Variants in NRAS observed in about 807,000 individuals in gnomAD.
NRAS encodes the protein NRAS proto-oncogene, GTPase, also known as GTPase NRas.
Under a neutral mutation model 21.3 loss-of-function variants are expected in NRAS, and 6 were observed. The observed-to-expected ratio is 0.28, with a 90% CI of 0.15 to 0.56. The LOEUF (loss-of-function observed/expected upper bound fraction) is 0.56. Ranked by LOEUF, NRAS falls within the 20% of genes least tolerant of loss-of-function variation. The pLI is 0.93. For missense variants in NRAS, 143 were observed against 231.3 expected, an observed-to-expected ratio of 0.62 and a Z score of 2.48; for synonymous variants, 84 against 82.0, an observed-to-expected ratio of 1.02 and a Z score of -0.13.
At position 114,713,904 on chromosome 1, in the gene NRAS, T is replaced by C. The variant is rs1659097990; in HGVS notation, c.186A>G (p.Glu62=). ...ATTGGTCTCTCATGGCACTGTACTC[T>C]TCTTGTCCAGCTGTATCCAGTATGT... The part of the protein sequence containing the change: ...LLDILDTAGQ[E]EYSAMRDQYM... The change falls in exon 3 of 7, where the codon GAA becomes GAG. Residue 62 remains glutamate (E), a synonymous_variant. Coordinates refer to ENST00000369535, the MANE Select transcript of NRAS (RefSeq NM_002524.5). 1 of 1,612,958 alleles carries C rather than the reference T, an allele frequency of 6.2e-7. No individual in the cohort carries two copies.
At chr1:114,708,414 G>A in intron 5 of NRAS, 117 bp downstream of exon 5, 1 of 920,610 alleles carries the variant, frequency 1.1e-6, no homozygotes, top group Non-Finnish European at 1.8e-6. Context: ...TGGAAAATGT[G>A]CAGAAGAGGA....
Position 114,706,109 on chromosome 1 carries a change from A to G in NRAS, c.*1985T>C, listed in dbSNP as rs1438982817. 2.0e-5 allele frequency: 3 copies of G among 152,254 alleles called. No individual in the cohort carries two copies. The highest frequency in any genetic ancestry group is 4.4e-5 in the Non-Finnish European group (3 of 68,036). 9.4% of individuals were successfully genotyped at this position (152,254 alleles called of 1,614,324 possible). A position where few individuals can be genotyped will look rare whatever the true frequency, so the allele number is the denominator to read the frequency against. On this transcript the variant is annotated 3_prime_UTR_variant, in exon 7 of 7. Transcript: ENST00000369535. The stretch of plus-strand genomic sequence containing the variant: ...AGAATTTCCATTTACAAATGATGAC[A>G]GTACTGTGAAAGCTCCCAGAATTAG...
At chr1:114,710,139 C>G (rs954547465) in intron 3 of NRAS, among the ~76,000 whole-genome samples, 1 of 150,372 alleles carries the variant, frequency 6.7e-6, no homozygotes, top group African/African-American at 2.5e-5. Context: ...TGCAGTGAGC[C>G]AAGATCACGC....
At chr1:114,710,123 G>C (rs905839353) in intron 3 of NRAS, among the ~76,000 whole-genome samples, 32 of 150,778 alleles carry the variant, frequency 2.1e-4, no homozygotes, top group African/African-American at 7.8e-4. Context: ...CCTGGGAGGC[G>C]AAGATTGCAG....
chr1:114,713,716 C>T, intron 3 of NRAS, 84 bp downstream of exon 3: 1 of 1,169,204 alleles, frequency 8.6e-7, no homozygotes, highest in Non-Finnish European at 1.3e-6. Context: ...AAAGCTCTAT[C>T]TTCCCTAGTG....
Position 114,705,369 on chromosome 1 carries a change from G to A in NRAS, c.*2725C>T, listed in dbSNP as rs571738140. 3.3e-5 allele frequency: 5 copies of A among 152,230 alleles called. No individual in the cohort carries two copies. Among genetic ancestry groups the A allele is most frequent in the African/African-American group, 9.6e-5 (4 of 41,530 alleles). 9.4% of individuals were successfully genotyped at this position (152,230 alleles called of 1,614,324 possible). ...ATTTAACAGGTTCATTTACAGATCC[G>A]GCATGGTAGCCTTCAGACAGAACAT... On this transcript the variant is annotated 3_prime_UTR_variant, in exon 7 of 7. Transcript: ENST00000369535.
intron 3 of NRAS, among the ~76,000 whole-genome samples, chr1:114,710,690 AC>A (rs1659027588): frequency 6.6e-6 from 1 of 152,144 alleles, no homozygotes; most frequent in African/African-American, 2.4e-5. Flanking sequence ...GCTTTTTTCT[AC>A]CACTTAGAGA....
intron 3 of NRAS, among the ~76,000 whole-genome samples, chr1:114,713,075 C>G (rs906803393): frequency 1.3e-5 from 2 of 152,198 alleles, no homozygotes; most frequent in Non-Finnish European, 2.9e-5. Flanking sequence ...ATGGTCCAAT[C>G]TAGCTTTGAA....
At position 114,716,177 on chromosome 1, in the gene NRAS, C is replaced by T. The variant is rs767267889; in HGVS notation, c.-17G>A. On this transcript the variant is annotated splice_region_variant and 5_prime_UTR_variant, in exon 2 of 7. Transcript: ENST00000369535. ...CTCAGTCATTTCACACCAGCAAGAACCTGTTGGAAACCAGTAATCAGGGTT... is the reference window on the plus strand; with the variant it reads ...CTCAGTCATTTCACACCAGCAAGAATCTGTTGGAAACCAGTAATCAGGGTT... 4 of 1,557,338 alleles carry T rather than the reference C, an allele frequency of 2.6e-6. No homozygotes were observed. The highest frequency in any genetic ancestry group is 3.5e-6 in the Non-Finnish European group (4 of 1,128,264).
intron 2 of NRAS, among the ~76,000 whole-genome samples, chr1:114,714,479 A>G (rs1207793997): frequency 1.3e-5 from 2 of 152,200 alleles, no homozygotes; most frequent in South Asian, 4.1e-4. Flanking sequence ...ATCATGACAG[A>G]TGTACCTTTG....
Position 114,705,031 on chromosome 1 carries a change from C to T in NRAS, c.*3063G>A, listed in dbSNP as rs528883197. The T allele has an allele frequency of 1.1e-4, 16 of 152,248 alleles. No individual in the cohort carries two copies. The highest frequency in any genetic ancestry group is 3.4e-3 in the Middle Eastern group (1 of 294). The allele number at this position is 152,248 out of a possible 1,614,324, so 9.4% of individuals were successfully genotyped here. A position where few individuals can be genotyped will look rare whatever the true frequency, so the allele number is the denominator to read the frequency against. ...CAGAGATGAATTACAAGAAGCAGAA[C>T]GCACCATTTTTTGGTTCTTGGTTGT... On this transcript the variant is annotated 3_prime_UTR_variant, in exon 7 of 7. Coordinates refer to ENST00000369535, the MANE Select transcript of NRAS (RefSeq NM_002524.5).
chr1:114,716,530 C>T lies in NRAS; in HGVS notation c.-18+128G>A, dbSNP rs61758213. 931 of 359,182 alleles carry T rather than the reference C, an allele frequency of 2.6e-3. 3 individuals carry two copies. Among genetic ancestry groups the T allele is most frequent in the Non-Finnish European group, 4.0e-3 (735 of 185,530 alleles). 22.2% of individuals were successfully genotyped at this position (359,182 alleles called of 1,614,324 possible). ...CTCCAAAGATCTCCCCACGTAGGCA[C>T]CAAATGGAAGGACCCCCGCCCAAGG... On this transcript the variant is annotated intron_variant, in intron 1 of 6. Transcript: ENST00000369535.
Position 114,711,612 on chromosome 1 carries a change from AAAAAAACAAACAAAC to A in NRAS, c.291-1899_291-1885del, listed in dbSNP as rs1305218599. Among the ~76,000 whole-genome samples the A allele has an allele frequency of 5.1e-4, 57 of 112,060 alleles. 1 individual carries two copies. The East Asian group carries it at 0.02, about 39-fold the overall frequency. The allele number at this position is 112,060 out of a possible 152,430, so 73.5% of individuals were successfully genotyped here. ...CAGAGCAAAACTCCGTCTCAAAAAA[AAAAAAACAAACAAAC>A]AAAAAAAACAAACCTAAAACAAAAC... On this transcript the variant is annotated intron_variant, in intron 3 of 6. Transcript: ENST00000369535.
intron 3 of NRAS, among the ~76,000 whole-genome samples, chr1:114,710,288 TATAA>T (rs34550723): frequency 0.61 from 80,120 of 132,178 alleles, 24,755 homozygotes; most frequent in East Asian, 0.97. Context: ...ATTTATAATA[TATAA>T]ATATATATAA....
At position 114,704,822 on chromosome 1, in the gene NRAS, C is replaced by T. The variant is rs1204462578; in HGVS notation, c.*3272G>A. On this transcript the variant is annotated 3_prime_UTR_variant, in exon 7 of 7. Coordinates refer to ENST00000369535, the MANE Select transcript of NRAS (RefSeq NM_002524.5). The stretch of plus-strand genomic sequence containing the variant: ...AAATATAATACAACTACTCTGGTAA[C>T]AAGAATACTTTTAAAACAATTCTTA... The T allele has an allele frequency of 6.6e-6, 1 of 152,142 alleles. No individual in the cohort carries two copies. The highest frequency in any genetic ancestry group is 1.5e-5 in the Non-Finnish European group (1 of 68,024). 9.4% of individuals were successfully genotyped at this position (152,142 alleles called of 1,614,324 possible). A position where few individuals can be genotyped will look rare whatever the true frequency, so the allele number is the denominator to read the frequency against.
intron 3 of NRAS, among the ~76,000 whole-genome samples, chr1:114,710,753 G>T (rs1054968926): frequency 1.3e-5 from 2 of 152,174 alleles, no homozygotes; most frequent in African/African-American, 4.8e-5. Flanking sequence ...CAGCCATCAG[G>T]AAGCCATAAG....
chr1:114,711,825 A>G (rs1659052979), intron 3 of NRAS, among the ~76,000 whole-genome samples: 3 of 152,180 alleles, frequency 2.0e-5, no homozygotes, highest in African/African-American at 7.2e-5. Flanking sequence ...ACACAATCCA[A>G]CAGTACTTTA....
chr1:114,711,331 T>A (rs994902669), intron 3 of NRAS, among the ~76,000 whole-genome samples: 2 of 151,214 alleles, frequency 1.3e-5, no homozygotes, highest in Non-Finnish European at 3.0e-5. Flanking sequence ...GGCACGGTGG[T>A]TCACACCTGT....
chr1:114,715,769 G>C (rs1482592799), intron 2 of NRAS, among the ~76,000 whole-genome samples: 1 of 152,140 alleles, frequency 6.6e-6, no homozygotes, highest in Non-Finnish European at 1.5e-5. Context: ...TGTTTCTCAT[G>C]TAATAGAGCT....
Sources: allele counts gnomAD v4.1 joint callset (sites outside exome capture counted in the v4.1 genomes callset), GRCh38; gene constraint gnomAD v4.1.1; transcripts MANE v1.5; gene names NCBI Gene and HGNC (gene_info 2026-07-23, HGNC 2026-07-21).